Variants in PTPRD observed in about 807,000 individuals in gnomAD.
PTPRD encodes the protein receptor-type tyrosine-protein phosphatase delta.
In PTPRD, 34 loss-of-function variants were observed where a neutral mutation model predicts 214.5. That is an observed-to-expected ratio of 0.16 (90% CI 0.12 to 0.21). PTPRD has a LOEUF of 0.21. Ranked by LOEUF, PTPRD falls within the 10% of genes least tolerant of loss-of-function variation. The probability of loss-of-function intolerance (pLI) is 1.00; values close to 1 mark genes in which losing one functional copy is unlikely to be tolerated. For missense variants in PTPRD, 2,545 were observed against 2,398.7 expected (o/e 1.06, Z -1.27); for synonymous variants, 1,128 against 845.7 (o/e 1.33, Z -5.79).
At chr9:10,296,302 T>C (rs866876539) in intron 3 of PTPRD, among the ~76,000 whole-genome samples, 2 of 152,176 alleles carry the variant, frequency 1.3e-5, no homozygotes, top group African/African-American at 2.4e-5. Context: ...TTGACCCTTC[T>C]GGTATCAAAG....
At chr9:9,691,165 A>C (rs371304979) in intron 7 of PTPRD, among the ~76,000 whole-genome samples, 18 of 152,042 alleles carry the variant, frequency 1.2e-4, no homozygotes, top group South Asian at 6.2e-4. Context: ...TTACTCTTTC[A>C]GTGATTGTTA....
At chr9:10,410,148 C>T (rs948913081) in intron 2 of PTPRD, among the ~76,000 whole-genome samples, 4 of 150,500 alleles carry the variant, frequency 2.7e-5, no homozygotes, top group Non-Finnish European at 4.4e-5. Context: ...TCTCTTTATT[C>T]AAACCCATCA....
intron 3 of PTPRD, among the ~76,000 whole-genome samples, chr9:10,312,304 T>A (rs527392258): frequency 6.6e-6 from 1 of 152,016 alleles, no homozygotes; most frequent in Admixed American, 6.6e-5. Flanking sequence ...TGAGGCTATT[T>A]TGTAAAGAAC....
Position 9,293,503 on chromosome 9 carries a change from G to T in PTPRD, c.-203+103946C>A, listed in dbSNP as rs1344205501. ...GTACTAGAATCACCCATTTCTACAAGGAGATTATTATTATTATTACTGACT... is the reference window on the plus strand; with the variant it reads ...GTACTAGAATCACCCATTTCTACAATGAGATTATTATTATTATTACTGACT... On this transcript the variant is annotated intron_variant, in intron 9 of 45. Transcript: ENST00000381196. Among the ~76,000 whole-genome samples, 7 of 150,884 alleles carry T rather than the reference G, an allele frequency of 4.6e-5. No homozygotes were observed. The Admixed American group carries it at 4.6e-4, about 10-fold the overall frequency.
intron 2 of PTPRD, among the ~76,000 whole-genome samples, chr9:10,421,437 T>C (rs1028258383): frequency 6.6e-6 from 1 of 151,944 alleles, no homozygotes; most frequent in African/African-American, 2.4e-5. Context: ...ATATGAATTA[T>C]ACTTCTTGGT....
At chr9:8,950,488 A>AT (rs1288837427) in intron 11 of PTPRD, among the ~76,000 whole-genome samples, 1 of 151,766 alleles carries the variant, frequency 6.6e-6, no homozygotes, top group Non-Finnish European at 1.5e-5. Context: ...AAAAAAAAAA[A>AT]GCATGATGCA....
intron 11 of PTPRD, among the ~76,000 whole-genome samples, chr9:8,978,984 A>G (rs1177525824): frequency 6.6e-6 from 1 of 151,986 alleles, no homozygotes; most frequent in African/African-American, 2.4e-5. Context: ...TTCTTTTTTT[A>G]ATGTTTACAG....
chr9:9,717,907 A>T (rs2097861817), intron 7 of PTPRD, among the ~76,000 whole-genome samples: 1 of 139,824 alleles, frequency 7.2e-6, no homozygotes, highest in African/African-American at 2.8e-5. Flanking sequence ...ATTAAAAATA[A>T]AATTAGCATT....
intron 14 of PTPRD, among the ~76,000 whole-genome samples, chr9:8,616,835 T>G (rs1001738883): frequency 6.6e-6 from 1 of 152,144 alleles, no homozygotes; most frequent in Non-Finnish European, 1.5e-5. Flanking sequence ...ACTAATAATT[T>G]AACTATGCTA....
intron 3 of PTPRD, among the ~76,000 whole-genome samples, chr9:10,171,319 C>T (rs1359085549): frequency 6.6e-6 from 1 of 151,934 alleles, no homozygotes; most frequent in African/African-American, 2.4e-5. Context: ...TGGTTTCCTC[C>T]ATACGGTTCT....
intron 14 of PTPRD, among the ~76,000 whole-genome samples, chr9:8,631,038 G>T (rs966351781): frequency 6.6e-6 from 1 of 151,836 alleles, no homozygotes; most frequent in East Asian, 1.9e-4. Flanking sequence ...AATAAATGGA[G>T]ATTAAAATTT....
Position 10,104,850 on chromosome 9 carries a change from T to C in PTPRD, c.-544-71060A>G, listed in dbSNP as rs193292255. ...TTATACTGGTCCTTAGCATAGACGA[T>C]GATTTGCTCCTGCCTTAGTCTCCTG... On this transcript the variant is annotated intron_variant, in intron 3 of 45. Transcript: ENST00000381196. Among the ~76,000 whole-genome samples the C allele has an allele frequency of 1.1e-4, 17 of 152,032 alleles. No homozygotes were observed. In the East Asian group the frequency reaches 3.3e-3, roughly 29 times the overall value.
intron 4 of PTPRD, among the ~76,000 whole-genome samples, chr9:9,984,325 T>C (rs539990272): frequency 1.3e-5 from 2 of 152,282 alleles, no homozygotes; most frequent in East Asian, 3.9e-4. Flanking sequence ...TCTGGTACTC[T>C]AGGACTGGGA....
chr9:8,469,924 C>T (rs1322830128), intron 31 of PTPRD, among the ~76,000 whole-genome samples: 1 of 152,074 alleles, frequency 6.6e-6, no homozygotes, highest in East Asian at 1.9e-4. Flanking sequence ...ATCACAGTCT[C>T]CTTTGTGCAG....
chr9:9,610,572 G>C (rs1172306046), intron 7 of PTPRD, among the ~76,000 whole-genome samples: 1 of 152,042 alleles, frequency 6.6e-6, no homozygotes, highest in Non-Finnish European at 1.5e-5. Context: ...GGAATAGATG[G>C]GGGAAAGTGA....
chr9:10,550,229 C>T lies in PTPRD; in HGVS notation c.-600+62169G>A, dbSNP rs529570984. Among the ~76,000 whole-genome samples, 673 of 152,294 alleles carry T rather than the reference C, an allele frequency of 4.4e-3. 4 individuals carry two copies. The highest frequency in any genetic ancestry group is 7.7e-3 in the Non-Finnish European group (525 of 68,006). On this transcript the variant is annotated intron_variant, in intron 2 of 45. Coordinates refer to ENST00000381196, the MANE Select transcript of PTPRD (RefSeq NM_002839.4). ...CTTCACTATCCACAAGTCCCCTTTG[C>T]TAAACTATTAACTGACAAAATAAAT...
chr9:8,737,303 A>T (rs1278914707), intron 11 of PTPRD, among the ~76,000 whole-genome samples: 1 of 152,220 alleles, frequency 6.6e-6, no homozygotes, highest in Admixed American at 6.5e-5. Flanking sequence ...AACGTATTCT[A>T]AATGTTCATT....
chr9:8,979,047 C>G (rs1567367764), intron 11 of PTPRD, among the ~76,000 whole-genome samples: 2 of 152,088 alleles, frequency 1.3e-5, no homozygotes, highest in Non-Finnish European at 2.9e-5. Flanking sequence ...ACTTTGGCAA[C>G]AGACCCAAAC....
chr9:10,573,391 C>T (rs1469792009), intron 2 of PTPRD, among the ~76,000 whole-genome samples: 1 of 152,176 alleles, frequency 6.6e-6, no homozygotes, highest in African/African-American at 2.4e-5. Flanking sequence ...TTTCTGTATA[C>T]ACATCCAGTA....
Sources: allele counts gnomAD v4.1 joint callset (sites outside exome capture counted in the v4.1 genomes callset), GRCh38; gene constraint gnomAD v4.1.1; transcripts MANE v1.5; gene names NCBI Gene and HGNC (gene_info 2026-07-23, HGNC 2026-07-21).